The following CTIF variants were observed in gnomAD, a reference collection of about 807,000 sequenced individuals.
CTIF encodes the protein cap binding complex dependent translation initiation factor, also known as CBP80/20-dependent translation initiation factor.
A neutral mutation model predicts 66.0 loss-of-function variants in CTIF; 21 were observed. That is an observed-to-expected ratio of 0.32 (90% confidence interval 0.23 to 0.46). CTIF has a LOEUF of 0.46. Ranked by LOEUF, CTIF falls within the 20% of genes least tolerant of loss-of-function variation. The pLI is 1.00. For missense variants in CTIF, 739 were observed against 812.7 expected (o/e 0.91, Z 1.10); for synonymous variants, 345 against 326.4 (o/e 1.06, Z -0.62).
intron 5 of CTIF, chr18:48,670,459 C>T (rs2144997773): frequency 1.9e-6 from 1 of 528,630 alleles, no homozygotes; most frequent in Non-Finnish European, 3.4e-6. Context: ...CACCTCCCTC[C>T]AGGTTGGCTG....
At chr18:48,817,426 C>G (rs1323230198) in intron 10 of CTIF, 50 bp downstream of exon 10, 2 of 1,565,314 alleles carry the variant, frequency 1.3e-6, no homozygotes, top group African/African-American at 1.4e-5. Context: ...AGCACCAGGT[C>G]TGGAATGCGT....
Position 48,623,260 on chromosome 18 carries a change from T to C in CTIF, c.180+3515T>C, listed in dbSNP as rs74496979. 5.1e-3 allele frequency among the ~76,000 whole-genome samples: 780 copies of C among 152,320 alleles called. 5 individuals carry two copies. Among genetic ancestry groups the C allele is most frequent in the Middle Eastern group, 0.031 (9 of 294 alleles). Reference sequence around the variant, plus strand: ...TCTAAACTTTCTTCATGCTCTGGAATTCCCTCGAAGAATGCAGACACCTGG... The same window carrying C: ...TCTAAACTTTCTTCATGCTCTGGAACTCCCTCGAAGAATGCAGACACCTGG... On this transcript the variant is annotated intron_variant, in intron 2 of 11. Coordinates refer to ENST00000256413, the MANE Select transcript of CTIF (RefSeq NM_014772.3).
At chr18:48,715,498 C>CTGT (rs2092271843) in intron 7 of CTIF, among the ~76,000 whole-genome samples, 1 of 152,180 alleles carries the variant, frequency 6.6e-6, no homozygotes, top group Non-Finnish European at 1.5e-5. Flanking sequence ...GGAACGGGGG[C>CTGT]TGCTAAGGCT....
chr18:48,730,580 G>A lies in CTIF; in HGVS notation c.584+18885G>A, dbSNP rs186433824. ...TGTGAGGGGCTTCTGCGGTGTGAGGGGCCCCTGTGGTGTGAGGGGCTTCTG... is the reference window on the plus strand; with the variant it reads ...TGTGAGGGGCTTCTGCGGTGTGAGGAGCCCCTGTGGTGTGAGGGGCTTCTG... On this transcript the variant is annotated intron_variant, in intron 7 of 11. Transcript: ENST00000256413. Among the ~76,000 whole-genome samples, 25 of 32,842 alleles carry A rather than the reference G, an allele frequency of 7.6e-4. 3 individuals are homozygous for A. Among genetic ancestry groups the A allele is most frequent in the South Asian group, 3.6e-3 (2 of 548 alleles). 21.5% of individuals were successfully genotyped at this position (32,842 alleles called of 152,430 possible). A position where few individuals can be genotyped will look rare whatever the true frequency, so the allele number is the denominator to read the frequency against.
At chr18:48,632,280 T>C (rs1482968647) in intron 2 of CTIF, among the ~76,000 whole-genome samples, 2 of 152,166 alleles carry the variant, frequency 1.3e-5, no homozygotes, top group African/African-American at 2.4e-5. Flanking sequence ...GAGCTTGCTG[T>C]GCTAAGTGTG....
chr18:48,693,500 G>A (rs992567956), intron 6 of CTIF, among the ~76,000 whole-genome samples: 12 of 152,240 alleles, frequency 7.9e-5, no homozygotes, highest in African/African-American at 2.9e-4. Context: ...GAGCAACCAG[G>A]GCTGAGAGCC....
chr18:48,738,543 C>G (rs2092525164), intron 7 of CTIF, among the ~76,000 whole-genome samples: 1 of 152,092 alleles, frequency 6.6e-6, no homozygotes, highest in Admixed American at 6.5e-5. Context: ...GTTCCCCCTC[C>G]CCGGATTGCT....
chr18:48,631,159 C>G (rs2090704721), intron 2 of CTIF, among the ~76,000 whole-genome samples: 1 of 152,206 alleles, frequency 6.6e-6, no homozygotes, highest in Non-Finnish European at 1.5e-5. Flanking sequence ...CCCAATCTTT[C>G]CCAATCTCTG....
chr18:48,601,239 G>A (rs1318912746), intron 1 of CTIF, among the ~76,000 whole-genome samples: 3 of 152,200 alleles, frequency 2.0e-5, no homozygotes, highest in East Asian at 1.9e-4. Flanking sequence ...CCAGCCCGGC[G>A]ATTCCAGGCT....
intron 1 of CTIF, among the ~76,000 whole-genome samples, chr18:48,558,193 G>T (rs931918949): frequency 1.3e-5 from 2 of 152,128 alleles, no homozygotes; most frequent in Non-Finnish European, 2.9e-5. Context: ...GATACTTATG[G>T]ACTGGTACAA....
Position 48,817,236 on chromosome 18 carries a change from C to G in CTIF, c.1387C>G (p.Arg463Gly). The G allele has an allele frequency of 6.2e-7, 1 of 1,613,670 alleles. No individual in the cohort carries two copies. Among genetic ancestry groups the G allele is most frequent in the Non-Finnish European group, 8.5e-7 (1 of 1,179,886 alleles). The change falls in exon 10 of 12, where the codon CGC becomes GGC. Residue 463 changes from arginine (R) to glycine (G), a missense_variant. Arg to Gly is a moderately radical substitution (Grantham distance 125). Coordinates refer to ENST00000256413, the MANE Select transcript of CTIF (RefSeq NM_014772.3). ...GCCTCCACAGAAGGACTTCACGGTG[C>G]GCGAGGAGCTGCAGCAGCAGGACGT... Reference protein sequence around the residue: ...LNMLQKDFTVREELQQQDVER... With the variant: ...LNMLQKDFTVGEELQQQDVER...
intron 2 of CTIF, among the ~76,000 whole-genome samples, chr18:48,627,919 G>T (rs1170274000): frequency 1.3e-5 from 2 of 152,058 alleles, no homozygotes; most frequent in African/African-American, 4.8e-5. Flanking sequence ...AGTCAAACGG[G>T]ATCCCTCTGA....
intron 1 of CTIF, among the ~76,000 whole-genome samples, chr18:48,562,495 T>G (rs919509442): frequency 6.6e-6 from 1 of 152,170 alleles, no homozygotes; most frequent in Non-Finnish European, 1.5e-5. Flanking sequence ...GGTCAGCATC[T>G]CCCCCTTGCC....
intron 1 of CTIF, among the ~76,000 whole-genome samples, chr18:48,607,579 T>C (rs1472404923): frequency 6.6e-6 from 1 of 152,220 alleles, no homozygotes; most frequent in African/African-American, 2.4e-5. Context: ...TGAGGTCAGC[T>C]CAGGCTCCCA....
intron 3 of CTIF, among the ~76,000 whole-genome samples, chr18:48,648,396 C>G (rs2091090344): frequency 6.6e-6 from 1 of 152,060 alleles, no homozygotes; most frequent in Admixed American, 6.5e-5. Context: ...TGCTGTTCTC[C>G]TGCTTCAAAG....
intron 1 of CTIF, chr18:48,565,065 A>C (rs747831665): frequency 6.6e-6 from 1 of 151,482 alleles, no homozygotes; most frequent in Non-Finnish European, 1.5e-5. Context: ...TTTAATGGCA[A>C]TTGGTTGATC....
intron 10 of CTIF, among the ~76,000 whole-genome samples, chr18:48,825,304 CCTCTGAGGGGTGT>C (rs2068561660): frequency 6.6e-6 from 1 of 152,038 alleles, no homozygotes; most frequent in South Asian, 2.1e-4. Flanking sequence ...AGGGCAGATG[CCTCTGAGGGGTGT>C]CTCTGAGGGG....
chr18:48,604,202 G>T (rs1282378660), intron 1 of CTIF, among the ~76,000 whole-genome samples: 8 of 118,948 alleles, frequency 6.7e-5, no homozygotes, highest in Non-Finnish European at 3.3e-5. Flanking sequence ...TTTGAGACGG[G>T]TCTCGCTCTG....
intron 10 of CTIF, among the ~76,000 whole-genome samples, chr18:48,823,945 A>G (rs1336449991): frequency 1.3e-5 from 2 of 151,224 alleles, no homozygotes; most frequent in African/African-American, 4.9e-5. Context: ...TGTAGATGAC[A>G]TGATCTTATA....
Sources: allele counts gnomAD v4.1 joint callset (sites outside exome capture counted in the v4.1 genomes callset), GRCh38; gene constraint gnomAD v4.1.1; transcripts MANE v1.5; gene names NCBI Gene and HGNC (gene_info 2026-07-23, HGNC 2026-07-21).